Variants in ALDH3A2 observed in about 807,000 individuals in gnomAD.
ALDH3A2 encodes the protein aldehyde dehydrogenase 3 family member A2, also known as aldehyde dehydrogenase family 3 member A2.
In ALDH3A2, 36 loss-of-function variants were observed where a neutral mutation model predicts 51.3. The ratio of observed to expected loss-of-function variants is 0.70; its 90% confidence interval spans 0.54 to 0.93. The LOEUF is 0.93. Among genes scored for constraint, ALDH3A2 ranks in the 40% least tolerant of loss-of-function variants. The probability of loss-of-function intolerance (pLI) is 0.00; values close to 1 mark genes in which losing one functional copy is unlikely to be tolerated. For synonymous variants in ALDH3A2, 199 were observed against 219.8 expected, an observed-to-expected ratio of 0.91 and a Z score of 0.84; for missense variants, 552 against 603.1, an observed-to-expected ratio of 0.92 and a Z score of 0.89.
chr17:19,652,400 G>A, intron 2 of ALDH3A2, 147 bp from the exon 3 acceptor site: 2 of 658,428 alleles, frequency 3.0e-6, no homozygotes, highest in Non-Finnish European at 5.4e-6. Flanking sequence ...AGTGAGATGA[G>A]CTCTTATGCT....
intron 2 of ALDH3A2, among the ~76,000 whole-genome samples, chr17:19,652,340 G>T (rs539548440): frequency 1.1e-3 from 170 of 152,320 alleles, no homozygotes; most frequent in Non-Finnish European, 1.9e-3. Context: ...GGAACCCATT[G>T]TCAGTGACCT....
rs2084900804 is a variant in ALDH3A2, at chr17:19,656,561, G to A, written c.667G>A (p.Asp223Asn). 1.2e-6 allele frequency: 2 copies of A among 1,612,344 alleles called. No individual in the cohort carries two copies. Among genetic ancestry groups the A allele is most frequent in the South Asian group, 2.2e-5 (2 of 90,708 alleles). The part of the protein sequence containing the change: ...PCYIDKDCDL[D>N]IVCRRITWGK... ...TTATATTGATAAAGATTGTGACCTG[G>A]ACATTGTTTGCAGGTGAGTCTGGCT... The change falls in exon 4 of 10, where the codon GAC becomes AAC. Residue 223 changes from aspartate to asparagine, a missense_variant. Coordinates refer to ENST00000176643, the MANE Select transcript of ALDH3A2 (RefSeq NM_000382.3).
chr17:19,672,222 A>C, intron 9 of ALDH3A2: 1 of 526,820 alleles, frequency 1.9e-6, no homozygotes, highest in Non-Finnish European at 3.4e-6. Context: ...CAGAGCCTAA[A>C]TTATTACAGA....
intron 8 of ALDH3A2, among the ~76,000 whole-genome samples, chr17:19,666,266 T>C (rs1456294921): frequency 6.6e-6 from 1 of 152,144 alleles, no homozygotes; most frequent in Non-Finnish European, 1.5e-5. Context: ...AATAGTTTTG[T>C]AGCCCAAATG....
In ALDH3A2 at chr17:19,654,315, C is replaced by A. The variant is rs1057458733; in HGVS notation, c.471+1683C>A. Among the ~76,000 whole-genome samples, 2 of 152,272 alleles carry A rather than the reference C, an allele frequency of 1.3e-5. No homozygotes were observed. The highest frequency in any genetic ancestry group is 2.9e-5 in the Non-Finnish European group (2 of 68,050). On this transcript the variant is annotated intron_variant, in intron 3 of 9. Coordinates refer to ENST00000176643, the MANE Select transcript of ALDH3A2 (RefSeq NM_000382.3). The surrounding 1 kb of genome is among the most constrained non-coding windows in gnomAD (Gnocchi z 4.5). The stretch of plus-strand genomic sequence containing the variant: ...ATCAGTCCAGCGCTGCGCGCCTGCA[C>A]CCCTCAGCCCTTGGGCGGTCGATGG...
chr17:19,671,415 G>A (rs1194979177), intron 8 of ALDH3A2, among the ~76,000 whole-genome samples: 1 of 152,214 alleles, frequency 6.6e-6, no homozygotes, highest in African/African-American at 2.4e-5. Context: ...GTGGGATTGT[G>A]GTGAGAATTA....
intron 5 of ALDH3A2, among the ~76,000 whole-genome samples, chr17:19,659,286 C>A (rs1354023584): frequency 6.6e-6 from 1 of 152,054 alleles, no homozygotes; most frequent in African/African-American, 2.4e-5. Flanking sequence ...TCCTGTAATC[C>A]GAGCACTTTG....
chr17:19,675,931 C>CGAGA lies in ALDH3A2; in HGVS notation c.*359_*360insGAGA. ...GTTAATGGCACTGCTCACTTCCTGCCTCTGCTGCCACCATCACTGTGTGAA... is the reference window on the plus strand; with the variant it reads ...GTTAATGGCACTGCTCACTTCCTGCCGAGATCTGCTGCCACCATCACTGTGTGAA... On this transcript the variant is annotated 3_prime_UTR_variant, in exon 10 of 10. Transcript: ENST00000176643. 2 of 337,152 alleles carry CGAGA rather than the reference C, an allele frequency of 5.9e-6. No individual in the cohort carries two copies. The highest frequency in any genetic ancestry group is 2.8e-5 in the South Asian group (1 of 35,898). The allele number at this position is 337,152 out of a possible 1,614,324, so 20.9% of individuals were successfully genotyped here. A position where few individuals can be genotyped will look rare whatever the true frequency, so the allele number is the denominator to read the frequency against.
intron 7 of ALDH3A2, among the ~76,000 whole-genome samples, chr17:19,664,700 G>A (rs957214719): frequency 1.1e-4 from 17 of 152,196 alleles, no homozygotes; most frequent in Non-Finnish European, 2.1e-4. Flanking sequence ...GAGGTTTGGA[G>A]CTGCCTCCTT....
In ALDH3A2 at chr17:19,664,946, A is replaced by G. The variant is rs1057516742; in HGVS notation, c.1108-2A>G. The G allele has an allele frequency of 6.2e-7, 1 of 1,612,822 alleles. No individual in the cohort carries two copies. Among genetic ancestry groups the G allele is most frequent in the Non-Finnish European group, 8.5e-7 (1 of 1,179,388 alleles). ...ACCTGGACACCTTTGGTCTGTCCTC[A>G]GCTCATCAAACGGATGATTGATGAG... On this transcript the variant is annotated splice_acceptor_variant, in intron 7 of 9. Transcript: ENST00000176643. LOFTEE classifies it high-confidence loss of function.
chr17:19,662,984 A>C (rs2084986525), intron 6 of ALDH3A2, among the ~76,000 whole-genome samples: 1 of 152,160 alleles, frequency 6.6e-6, no homozygotes, highest in African/African-American at 2.4e-5. Flanking sequence ...CAGCCTGGGC[A>C]ACAAGGGCGA....
intron 8 of ALDH3A2, among the ~76,000 whole-genome samples, chr17:19,670,183 AAAAC>A (rs1202243189): frequency 1.1e-4 from 17 of 152,322 alleles, no homozygotes; most frequent in South Asian, 2.1e-4. Context: ...CCTCCTACTT[AAAAC>A]AAACAAACAA....
At chr17:19,672,872 C>G (rs1437827400) in intron 9 of ALDH3A2, among the ~76,000 whole-genome samples, 2 of 152,008 alleles carry the variant, frequency 1.3e-5, no homozygotes, top group African/African-American at 2.4e-5. Context: ...GAAACCCTGT[C>G]TCTACTAAAA....
Position 19,667,356 on chromosome 17 carries a change from A to G in ALDH3A2, c.1207+2309A>G, listed in dbSNP as rs539014758. The stretch of plus-strand genomic sequence containing the variant: ...CAATTTTTTTGGTATTACGATTCTT[A>G]TATAATGTATCTTTATGCAATCTCT... On this transcript the variant is annotated intron_variant, in intron 8 of 9. Coordinates refer to ENST00000176643, the MANE Select transcript of ALDH3A2 (RefSeq NM_000382.3). 2.6e-5 allele frequency among the ~76,000 whole-genome samples: 4 copies of G among 152,234 alleles called. No homozygotes were observed. In the South Asian group the frequency reaches 8.3e-4, roughly 32 times the overall value.
In ALDH3A2 at chr17:19,651,676, G is replaced by A. The variant is rs1446629203; in HGVS notation, c.283G>A (p.Ala95Thr). Residue 95 changes from alanine (A) to threonine (T), a missense_variant, in exon 2 of 10, where the codon GCC becomes ACC. Physicochemically the swap from Ala to Thr is moderately conservative, Grantham distance 58. Transcript: ENST00000176643. ...GAACGTGCTCACCATGCTGGATGAG[G>A]CCTATATTCAGCCACAGCCTCTGGG... ...KKNVLTMLDE[A>T]YIQPQPLGVV... 3 of 1,614,194 alleles carry A rather than the reference G, an allele frequency of 1.9e-6. No individual in the cohort carries two copies. In the African/African-American group the frequency reaches 4.0e-5, roughly 22 times the overall value.
rs768086765 is a variant in ALDH3A2, at chr17:19,677,506, C to T, written c.*1934C>T. On this transcript the variant is annotated 3_prime_UTR_variant, in exon 10 of 10. Transcript: ENST00000176643. Reference sequence around the variant, plus strand: ...AATTGGCATCAATTTTAATGACGCTCCTGGTATGGAACCTCAGATATACCC... The same window carrying T: ...AATTGGCATCAATTTTAATGACGCTTCTGGTATGGAACCTCAGATATACCC... 7.9e-5 allele frequency: 12 copies of T among 152,144 alleles called. No individual in the cohort carries two copies. Among genetic ancestry groups the T allele is most frequent in the East Asian group, 1.9e-4 (1 of 5,196 alleles). The allele number at this position is 152,144 out of a possible 1,614,324, so 9.4% of individuals were successfully genotyped here. A position where few individuals can be genotyped will look rare whatever the true frequency, so the allele number is the denominator to read the frequency against.
At chr17:19,670,996 T>A (rs2085105396) in intron 8 of ALDH3A2, among the ~76,000 whole-genome samples, 1 of 152,228 alleles carries the variant, frequency 6.6e-6, no homozygotes. Flanking sequence ...CCCTGGCCTC[T>A]GGTCACCTGT....
chr17:19,662,909 A>G (rs551819673), intron 6 of ALDH3A2, among the ~76,000 whole-genome samples: 2 of 152,150 alleles, frequency 1.3e-5, no homozygotes, highest in South Asian at 4.2e-4. Context: ...GGAGGCTGAG[A>G]CAGGAGAATC....
chr17:19,664,361 C>T (rs938151350), intron 7 of ALDH3A2, among the ~76,000 whole-genome samples: 12 of 152,206 alleles, frequency 7.9e-5, no homozygotes, highest in African/African-American at 2.4e-4. Flanking sequence ...CCAGACTTGA[C>T]GTTTGCCATG....
Sources: gnomAD v4.1 joint callset for allele counts (sites outside exome capture counted in the v4.1 genomes callset) on GRCh38, gnomAD v4.1.1 for gene constraint, Gnocchi (gnomAD v3.1) non-coding constraint, MANE v1.5 for transcripts, NCBI Gene and HGNC (gene_info 2026-07-23, HGNC 2026-07-21) for gene names.